PLCE1: variants seen among roughly 807,000 people sequenced by gnomAD.
PLCE1 encodes phospholipase C epsilon 1.
PLCE1 carries 119 observed loss-of-function variants against 242.8 expected under a neutral mutation model. The observed-to-expected ratio is 0.49, with a 90% CI of 0.42 to 0.57. The LOEUF (loss-of-function observed/expected upper bound fraction) is 0.57, where lower values mean the gene tolerates loss of function less well. Ranked by LOEUF, PLCE1 falls within the 20% of genes least tolerant of loss-of-function variation. The pLI is 0.00. For missense variants in PLCE1, 2,441 were observed against 2,788.8 expected, an observed-to-expected ratio of 0.88 and a Z score of 2.81; for synonymous variants, 945 against 1,017.4, an observed-to-expected ratio of 0.93 and a Z score of 1.35.
chr10:94,215,540 G>C (rs1259226255), intron 4 of PLCE1, among the ~76,000 whole-genome samples: 1 of 152,004 alleles, frequency 6.6e-6, no homozygotes, highest in African/African-American at 2.4e-5. Context: ...ATGACATCTG[G>C]GCTACTTGGA....
Position 94,306,395 on chromosome 10 carries a change from G to A in PLCE1, c.5623-32G>A. 6.2e-7 allele frequency: 1 copy of A among 1,614,088 alleles called. No homozygotes were observed. The highest frequency in any genetic ancestry group is 1.1e-5 in the South Asian group (1 of 91,058). Reference sequence around the variant, plus strand: ...GTTGTCTTTCTTTTTTATCCTCGGTGACTTTGATCCCTTTTGTCTCCCTCA... The same window carrying A: ...GTTGTCTTTCTTTTTTATCCTCGGTAACTTTGATCCCTTTTGTCTCCCTCA... On this transcript the variant is annotated intron_variant, in intron 25 of 32. Transcript: ENST00000371380. This position sits in a 1 kb window ranked among gnomAD's most constrained non-coding sequence, Gnocchi z 5.7.
At chr10:94,054,288 C>T (rs2043842325) in intron 2 of PLCE1, among the ~76,000 whole-genome samples, 1 of 152,132 alleles carries the variant, frequency 6.6e-6, no homozygotes, top group Admixed American at 6.5e-5. Context: ...TCTTCAGTGC[C>T]CAGCTAGACC....
intron 2 of PLCE1, among the ~76,000 whole-genome samples, chr10:94,067,074 A>C (rs2044215974): frequency 6.6e-6 from 1 of 152,170 alleles, no homozygotes; most frequent in African/African-American, 2.4e-5. Context: ...TGGCCTCTTC[A>C]AAACAAAACC....
chr10:94,107,557 GGGGCTAGTAAACA>G (rs2045797722), intron 2 of PLCE1: 1 of 152,170 alleles, frequency 6.6e-6, no homozygotes, highest in African/African-American at 2.4e-5. Context: ...ACTTCCAAAT[GGGGCTAGTAAACA>G]GTGGACTCTG....
At chr10:94,047,515 G>C (rs1219093408) in intron 2 of PLCE1, among the ~76,000 whole-genome samples, 1 of 152,128 alleles carries the variant, frequency 6.6e-6, no homozygotes, top group Non-Finnish European at 1.5e-5. Context: ...AATTTAAAGG[G>C]ATATAATTGC....
At chr10:94,193,971 T>C (rs919419947) in intron 4 of PLCE1, among the ~76,000 whole-genome samples, 1 of 152,266 alleles carries the variant, frequency 6.6e-6, no homozygotes, top group African/African-American at 2.4e-5. Context: ...AAGCATTTTT[T>C]TATTACATTT....
chr10:94,201,390 A>C (rs1428887461), intron 4 of PLCE1, among the ~76,000 whole-genome samples: 3 of 152,236 alleles, frequency 2.0e-5, no homozygotes, highest in African/African-American at 7.2e-5. Flanking sequence ...ATAAAGTGCT[A>C]TACCCAAGTA....
At chr10:94,045,060 G>A (rs2061850433) in intron 2 of PLCE1, among the ~76,000 whole-genome samples, 3 of 152,022 alleles carry the variant, frequency 2.0e-5, no homozygotes, top group Non-Finnish European at 2.9e-5. Flanking sequence ...AAGTATAGTG[G>A]TTCAATAATA....
chr10:94,174,917 A>G (rs546823319), intron 4 of PLCE1, among the ~76,000 whole-genome samples: 1 of 152,298 alleles, frequency 6.6e-6, no homozygotes, highest in South Asian at 2.1e-4. Context: ...GATTGTATCA[A>G]TGTTAATTTC....
chr10:94,133,069 T>C (rs2046657876), intron 3 of PLCE1, among the ~76,000 whole-genome samples: 1 of 152,172 alleles, frequency 6.6e-6, no homozygotes, highest in Non-Finnish European at 1.5e-5. Flanking sequence ...AGTGGTAGTT[T>C]ATGACAAATG....
At chr10:94,249,211 A>G (rs1378121568) in intron 8 of PLCE1, among the ~76,000 whole-genome samples, 1 of 152,228 alleles carries the variant, frequency 6.6e-6, no homozygotes, top group Non-Finnish European at 1.5e-5. Flanking sequence ...CAGACACTCA[A>G]GATTTCTTTC....
At chr10:94,314,867 C>G (rs1378472988) in intron 28 of PLCE1, 2 of 152,408 alleles carry the variant, frequency 1.3e-5, no homozygotes, top group Non-Finnish European at 2.9e-5. Flanking sequence ...GCTCAGGTGT[C>G]ACATTTCATA....
chr10:94,093,809 G>A (rs1328911268), intron 2 of PLCE1, among the ~76,000 whole-genome samples: 1 of 152,144 alleles, frequency 6.6e-6, no homozygotes, highest in Non-Finnish European at 1.5e-5. Context: ...TGGTGGTCTG[G>A]GAAGACAGGA....
chr10:94,316,515 C>T, intron 28 of PLCE1, 32 bp from the exon 29 acceptor site: 1 of 1,433,714 alleles, frequency 7.0e-7, no homozygotes, highest in Non-Finnish European at 9.8e-7. Flanking sequence ...GTTTTTGCCT[C>T]ACTCCTCAGT....
intron 8 of PLCE1, among the ~76,000 whole-genome samples, chr10:94,251,693 T>C (rs528078390): frequency 6.6e-6 from 1 of 152,222 alleles, no homozygotes; most frequent in Non-Finnish European, 1.5e-5. Context: ...GCCCCTTGAG[T>C]GTGTTGTTGC....
intron 4 of PLCE1, among the ~76,000 whole-genome samples, chr10:94,180,459 G>T (rs1430761159): frequency 1.3e-5 from 2 of 152,114 alleles, no homozygotes; most frequent in East Asian, 3.9e-4. Context: ...CAGATTTTTG[G>T]CTTTTCAAGT....
At chr10:94,192,347 C>G (rs781303674) in intron 4 of PLCE1, among the ~76,000 whole-genome samples, 2 of 152,200 alleles carry the variant, frequency 1.3e-5, no homozygotes, top group Non-Finnish European at 2.9e-5. Context: ...ACCTCCCTCT[C>G]TTCCCCCTCT....
intron 2 of PLCE1, among the ~76,000 whole-genome samples, chr10:94,036,419 C>G (rs1215971034): frequency 6.6e-6 from 1 of 152,064 alleles, no homozygotes; most frequent in African/African-American, 2.4e-5. Flanking sequence ...AATTCCTTGG[C>G]CCTCACATTA....
At chr10:94,156,910 G>A (rs1333825713) in intron 3 of PLCE1, among the ~76,000 whole-genome samples, 1 of 152,126 alleles carries the variant, frequency 6.6e-6, no homozygotes, top group Non-Finnish European at 1.5e-5. Flanking sequence ...CAGGAACTGG[G>A]AGCAGAGACC....
Sources: gnomAD v4.1 joint callset for allele counts (sites outside exome capture counted in the v4.1 genomes callset) on GRCh38, gnomAD v4.1.1 for gene constraint, Gnocchi (gnomAD v3.1) non-coding constraint, MANE v1.5 for transcripts, NCBI Gene and HGNC (gene_info 2026-07-23, HGNC 2026-07-21) for gene names.